Variants in TACC2 observed in about 807,000 individuals in gnomAD.
TACC2 encodes the protein transforming acidic coiled-coil-containing protein 2.
A neutral mutation model predicts 227.3 loss-of-function variants in TACC2; 137 were observed. The observed-to-expected ratio is 0.60, with a 90% CI of 0.52 to 0.69. The LOEUF is 0.69. TACC2 is among the 30% of genes least tolerant of loss of function. The pLI is 0.00. For synonymous variants in TACC2, 1,523 were observed against 1,487.5 expected, an observed-to-expected ratio of 1.02 and a Z score of -0.55; for missense variants, 3,470 against 3,694.4, an observed-to-expected ratio of 0.94 and a Z score of 1.57.
chr10:122,183,267 T>C (rs911772), intron 7 of TACC2, among the ~76,000 whole-genome samples: 100,100 of 151,918 alleles, frequency 0.66, 33,250 homozygotes, highest in East Asian at 0.83. Context: ...GCCAGGATTC[T>C]AAGGCCATAC....
At position 122,216,673 on chromosome 10, in the gene TACC2, C is replaced by T. The variant is rs201442031; in HGVS notation, c.7391C>T (p.Ala2464Val). The change falls in exon 11 of 23, where the codon GCG (alanine) becomes GTG (valine). Residue 2464 changes from alanine (A) to valine (V), a missense_variant. By Grantham distance (64) the Ala-to-Val change is moderately conservative (BLOSUM62 0). This residue lies in a region of TACC2 where 593 missense variants were observed against 636.6 expected (regional missense o/e 0.93). Coordinates refer to ENST00000369005, the MANE Select transcript of TACC2 (RefSeq NM_206862.4). ...ATPETPPVIS[A>V]VVHATDEEKL... is the part of the protein sequence containing the mutation. ...CCAGAAACACCACCAGTGATCTCTG[C>T]GGTGGTCCACGCCACAGATGAGGAA... 1.0e-4 allele frequency: 162 copies of T among 1,613,922 alleles called. No homozygotes were observed. The highest frequency in any genetic ancestry group is 8.4e-5 in the Non-Finnish European group (99 of 1,180,016).
chr10:122,147,791 G>A (rs1027405072), intron 7 of TACC2, among the ~76,000 whole-genome samples: 3 of 152,112 alleles, frequency 2.0e-5, no homozygotes, highest in African/African-American at 4.8e-5. Context: ...TGATACGATC[G>A]GATCTGCATT....
At chr10:122,094,513 A>C (rs2081168805) in intron 5 of TACC2, among the ~76,000 whole-genome samples, 3 of 152,158 alleles carry the variant, frequency 2.0e-5, no homozygotes, top group Admixed American at 2.0e-4. Flanking sequence ...TCCCAGCCTC[A>C]AACAATCCTC....
At chr10:122,233,237 A>T (rs1412480821) in intron 16 of TACC2, among the ~76,000 whole-genome samples, 1 of 152,174 alleles carries the variant, frequency 6.6e-6, no homozygotes, top group Non-Finnish European at 1.5e-5. Context: ...AGTGAACCTG[A>T]CCAAGGTCAC....
intron 2 of TACC2, among the ~76,000 whole-genome samples, chr10:122,048,101 C>T (rs1476068621): frequency 6.6e-6 from 1 of 152,164 alleles, no homozygotes; most frequent in Non-Finnish European, 1.5e-5. Flanking sequence ...CTCAAGAAGT[C>T]CCCAGGTGCA....
chr10:122,195,017 T>C, intron 7 of TACC2, 23 bp from the exon 8 acceptor site: 2 of 1,594,690 alleles, frequency 1.3e-6, no homozygotes, highest in Non-Finnish European at 1.7e-6. Flanking sequence ...CTGTCTAACC[T>C]GTGCTTCTCC....
At position 122,211,680 on chromosome 10, in the gene TACC2, G is replaced by A. The variant is rs552066251; in HGVS notation, c.7255G>A (p.Ala2419Thr). ...GVDGDGLNKP[A>T]KKKKTPLKTD... ...GGACGGGGATGGGCTAAACAAGCCCGCCAAGAAGAAGAAGACGCCCCTAAA... is the reference window on the plus strand; with the variant it reads ...GGACGGGGATGGGCTAAACAAGCCCACCAAGAAGAAGAAGACGCCCCTAAA... Residue 2419 changes from alanine to threonine, a missense_variant, in exon 9 of 23, where the codon GCC becomes ACC. This residue lies in a region of TACC2 where 593 missense variants were observed against 636.6 expected (regional missense o/e 0.93). Coordinates refer to ENST00000369005, the MANE Select transcript of TACC2 (RefSeq NM_206862.4). The A allele has an allele frequency of 2.6e-6, 4 of 1,565,596 alleles. No individual in the cohort carries two copies. The highest frequency in any genetic ancestry group is 2.1e-5 in the Admixed American group (1 of 47,722).
rs66524910 is a variant in TACC2, at chr10:122,059,060, TTTGTTGTTG to T, written c.146+8533_146+8541del. Among the ~76,000 whole-genome samples the T allele has an allele frequency of 2.1e-4, 15 of 70,228 alleles. 1 individual carries two copies. The highest frequency in any genetic ancestry group is 1.8e-3 in the South Asian group (3 of 1,708). 46.1% of individuals were successfully genotyped at this position (70,228 alleles called of 152,430 possible). Reference sequence around the variant, plus strand: ...GGCGCCTGCCACTACGCCTGGCTAATTTGTTGTTGTTGTTGTTGTTGTTGTTGTTGTATT... The same window carrying T: ...GGCGCCTGCCACTACGCCTGGCTAATTTGTTGTTGTTGTTGTTGTTGTATT... On this transcript the variant is annotated intron_variant, in intron 3 of 22. Transcript: ENST00000369005.
intron 2 of TACC2, among the ~76,000 whole-genome samples, chr10:122,025,155 A>G (rs759575755): frequency 6.6e-6 from 1 of 152,234 alleles, no homozygotes; most frequent in Non-Finnish European, 1.5e-5. Context: ...TTGATGATGG[A>G]TAAAGATGTT....
chr10:122,143,383 C>T (rs576514786), intron 6 of TACC2, among the ~76,000 whole-genome samples, 189 bp from the exon 7 acceptor site: 21 of 150,456 alleles, frequency 1.4e-4, no homozygotes, highest in African/African-American at 4.1e-4. Context: ...GGAGCCACTT[C>T]GTTGCAGCCA....
At chr10:122,097,065 C>T (rs902431292) in intron 5 of TACC2, among the ~76,000 whole-genome samples, 5 of 152,118 alleles carry the variant, frequency 3.3e-5, no homozygotes, top group African/African-American at 1.2e-4. Context: ...GTGGCTCATG[C>T]CTATAATCTC....
intron 7 of TACC2, among the ~76,000 whole-genome samples, chr10:122,157,345 G>A (rs190412570): frequency 6.6e-6 from 1 of 152,096 alleles, no homozygotes; most frequent in Non-Finnish European, 1.5e-5. Flanking sequence ...ATTGCCAGGA[G>A]AGCTGAGGAG....
rs749440789 is a variant in TACC2 at position 122,210,368 on chromosome 10, A to G, written c.5972-29A>G. 1 of 1,562,034 alleles carries G rather than the reference A, an allele frequency of 6.4e-7. No homozygotes were observed. Among genetic ancestry groups the G allele is most frequent in the African/African-American group, 1.4e-5 (1 of 73,932 alleles). ...GTGCCCCAATGCGTCCTGTGTCTGT[A>G]ATTGATGGCGTTGTCTGTGTTTCCC... On this transcript the variant is annotated intron_variant, in intron 8 of 22. Transcript: ENST00000369005. This position sits in a 1 kb window ranked among gnomAD's most constrained non-coding sequence, Gnocchi z 4.6.
intron 18 of TACC2, among the ~76,000 whole-genome samples, chr10:122,239,793 T>C (rs1323628081): frequency 6.6e-6 from 1 of 152,184 alleles, no homozygotes; most frequent in Non-Finnish European, 1.5e-5. Context: ...CTGGTGCAGA[T>C]GTACCGGCAT....
In TACC2 at chr10:122,222,030, C is replaced by T. The variant is rs79869250; in HGVS notation, c.7547-2696C>T. Among the ~76,000 whole-genome samples the T allele has an allele frequency of 8.7e-3, 1,331 of 152,300 alleles. 25 individuals carry two copies. Among genetic ancestry groups the T allele is most frequent in the African/African-American group, 0.029 (1,188 of 41,570 alleles). ...AGCAGCCCTCAGAAACGACAGGACC[C>T]GTGAACGATGACTGAGCCTCTTCAG... On this transcript the variant is annotated intron_variant, in intron 11 of 22. Transcript: ENST00000369005.
intron 5 of TACC2, among the ~76,000 whole-genome samples, chr10:122,104,670 T>C (rs1358669344): frequency 6.6e-6 from 1 of 151,956 alleles, no homozygotes; most frequent in African/African-American, 2.4e-5. Context: ...CAGGCTCAGC[T>C]TTCATTTTTT....
chr10:122,042,029 T>G (rs2074346816), intron 2 of TACC2, among the ~76,000 whole-genome samples: 1 of 152,204 alleles, frequency 6.6e-6, no homozygotes, highest in Admixed American at 6.5e-5. Flanking sequence ...CACTGCAAGC[T>G]CCACCTCCCA....
chr10:122,198,833 C>A (rs2094674801), intron 8 of TACC2, among the ~76,000 whole-genome samples: 1 of 152,182 alleles, frequency 6.6e-6, no homozygotes, highest in South Asian at 2.1e-4. Flanking sequence ...TGTTGCTGGA[C>A]CTGCTGTTGC....
chr10:122,013,570 G>A (rs938773408), intron 1 of TACC2, among the ~76,000 whole-genome samples: 6 of 152,298 alleles, frequency 3.9e-5, no homozygotes, highest in South Asian at 2.1e-4. Context: ...GGCTTAGGTC[G>A]CTGGGTTTGT....
Sources: allele counts gnomAD v4.1 joint callset (sites outside exome capture counted in the v4.1 genomes callset), GRCh38; gene constraint gnomAD v4.1.1; regional missense constraint gnomAD v4.1.1; non-coding constraint Gnocchi (gnomAD v3.1); transcripts MANE v1.5; gene names NCBI Gene and HGNC (gene_info 2026-07-23, HGNC 2026-07-21).